EDEM3: variants seen among roughly 807,000 people sequenced by gnomAD.
EDEM3 encodes ER degradation enhancing alpha-mannosidase like protein 3.
EDEM3 carries 60 observed loss-of-function variants against 110.2 expected under a neutral mutation model. The observed-to-expected ratio is 0.54, with a 90% CI of 0.44 to 0.67. EDEM3 has a LOEUF of 0.67. Ranked by LOEUF, EDEM3 falls within the 30% of genes least tolerant of loss-of-function variation. The pLI is 0.00. For synonymous variants in EDEM3, 352 were observed against 382.9 expected (o/e 0.92, Z 0.94); for missense variants, 996 against 1,121.0 (o/e 0.89, Z 1.59).
chr1:184,706,906 A>G, intron 17 of EDEM3, 98 bp from the exon 18 acceptor site: 1 of 1,248,314 alleles, frequency 8.0e-7, no homozygotes, highest in Non-Finnish European at 1.1e-6. Flanking sequence ...ACTAGAACTC[A>G]TTTCTTTTCT....
chr1:184,705,587 C>T (rs1649869666), intron 18 of EDEM3, among the ~76,000 whole-genome samples: 1 of 152,132 alleles, frequency 6.6e-6, no homozygotes, highest in African/African-American at 2.4e-5. Flanking sequence ...CAGGACTTCT[C>T]CTAATGTTTA....
At chr1:184,738,920 T>C (rs72737772) in intron 2 of EDEM3, among the ~76,000 whole-genome samples, 4,131 of 152,222 alleles carry the variant, frequency 0.027, 119 homozygotes, top group Admixed American at 0.074. Context: ...CTTTCAAGCA[T>C]GCTTAAAAGG....
intron 2 of EDEM3, among the ~76,000 whole-genome samples, chr1:184,745,454 T>C (rs192914251): frequency 3.9e-5 from 6 of 152,246 alleles, no homozygotes; most frequent in East Asian, 3.9e-4. Context: ...GAGTTTCAGA[T>C]TGGGAAGATG....
At chr1:184,736,552 G>A (rs1651833657) in intron 4 of EDEM3, among the ~76,000 whole-genome samples, 1 of 152,062 alleles carries the variant, frequency 6.6e-6, no homozygotes, top group Admixed American at 6.6e-5. Context: ...ATAAATTTCT[G>A]TACTATATGA....
chr1:184,742,822 C>T (rs1652218097), intron 2 of EDEM3, among the ~76,000 whole-genome samples: 1 of 152,172 alleles, frequency 6.6e-6, no homozygotes, highest in South Asian at 2.1e-4. Context: ...CACATATAAA[C>T]AACACTTAGA....
At chr1:184,732,800 A>T in intron 6 of EDEM3, 37 bp downstream of exon 6, 2 of 1,577,112 alleles carry the variant, frequency 1.3e-6, no homozygotes, top group Non-Finnish European at 1.7e-6. Flanking sequence ...ACAGCAAAGA[A>T]AGTATATAAA....
chr1:184,719,104 G>A (rs931317208), intron 11 of EDEM3, 58 bp downstream of exon 11: 5 of 447,386 alleles, frequency 1.1e-5, no homozygotes, highest in East Asian at 6.0e-5. Context: ...ATATGTGTAC[G>A]TGTGTGTGTG....
intron 9 of EDEM3, among the ~76,000 whole-genome samples, chr1:184,720,273 T>G (rs188835273): frequency 4.1e-4 from 62 of 152,258 alleles, no homozygotes; most frequent in Middle Eastern, 6.8e-3. Context: ...TTACTAATTT[T>G]TTTTTTGCAA....
chr1:184,699,220 G>A (rs1475712842), intron 19 of EDEM3, among the ~76,000 whole-genome samples: 1 of 151,854 alleles, frequency 6.6e-6, no homozygotes, highest in Non-Finnish European at 1.5e-5. Flanking sequence ...TACATTAAAT[G>A]TTTACTGAAA....
At chr1:184,749,954 CG>C (rs981196243) in intron 1 of EDEM3, among the ~76,000 whole-genome samples, 6 of 152,042 alleles carry the variant, frequency 3.9e-5, no homozygotes, top group Non-Finnish European at 7.4e-5. Context: ...TGTCTTGAAG[CG>C]GGGGTTTTGC....
Position 184,710,595 on chromosome 1 carries a change from T to C in EDEM3, c.1692-48A>G, listed in dbSNP as rs189376923. 384 of 1,528,410 alleles carry C rather than the reference T, an allele frequency of 2.5e-4. 4 individuals carry two copies. The Admixed American group carries it at 8.0e-3, about 32-fold the overall frequency. 94.7% of individuals were successfully genotyped at this position (1,528,410 alleles called of 1,614,324 possible). On this transcript the variant is annotated intron_variant, in intron 15 of 19. Transcript: ENST00000318130. ...AGGCTTAAAAAACTATAAATTAGAA[T>C]TGGCAAAAAACACATGTCAAATAAA...
At chr1:184,753,955 A>G (rs1454020438) in intron 1 of EDEM3, among the ~76,000 whole-genome samples, 1 of 152,200 alleles carries the variant, frequency 6.6e-6, no homozygotes, top group Non-Finnish European at 1.5e-5. Context: ...TTTCCCCCCA[A>G]ACATTCTATT....
rs1649071934 is a variant in EDEM3 at position 184,691,699 on chromosome 1, G to A, written c.*2364C>T. 1 of 151,396 alleles carries A rather than the reference G, an allele frequency of 6.6e-6. No homozygotes were observed. Among genetic ancestry groups the A allele is most frequent in the Non-Finnish European group, 1.5e-5 (1 of 67,882 alleles). 9.4% of individuals were successfully genotyped at this position (151,396 alleles called of 1,614,324 possible). A position where few individuals can be genotyped will look rare whatever the true frequency, so the allele number is the denominator to read the frequency against. The stretch of plus-strand genomic sequence containing the variant: ...TACTTTGTGGCAGTATGTCAAGTAA[G>A]TAAATGAATGTAGAGTTGTAATTAC... On this transcript the variant is annotated 3_prime_UTR_variant, in exon 20 of 20. Transcript: ENST00000318130.
intron 2 of EDEM3, among the ~76,000 whole-genome samples, chr1:184,749,252 TCATGTATATATC>T (rs1369683217): frequency 6.6e-6 from 1 of 152,154 alleles, no homozygotes; most frequent in African/African-American, 2.4e-5. Context: ...GATAACATCT[TCATGTATATATC>T]CACAATATCT....
intron 6 of EDEM3, among the ~76,000 whole-genome samples, chr1:184,732,506 C>G (rs1157180143): frequency 6.6e-6 from 1 of 152,086 alleles, no homozygotes; most frequent in Non-Finnish European, 1.5e-5. Flanking sequence ...GATAAATGCT[C>G]GAGGTAATGG....
chr1:184,709,015 T>C (rs1304423325), intron 16 of EDEM3, among the ~76,000 whole-genome samples: 3 of 152,036 alleles, frequency 2.0e-5, no homozygotes, highest in African/African-American at 7.2e-5. Flanking sequence ...TCCTGATACT[T>C]TACAGGAAAA....
At chr1:184,732,080 G>A (rs1651554631) in intron 6 of EDEM3, among the ~76,000 whole-genome samples, 1 of 152,110 alleles carries the variant, frequency 6.6e-6, no homozygotes, top group Non-Finnish European at 1.5e-5. Context: ...GGAGGCTGAG[G>A]CAGGAGAATG....
At chr1:184,723,002 T>C (rs531908942) in intron 8 of EDEM3, among the ~76,000 whole-genome samples, 4 of 152,110 alleles carry the variant, frequency 2.6e-5, no homozygotes, top group African/African-American at 9.6e-5. Flanking sequence ...AATAATTTTC[T>C]TAGCTTTTTT....
rs1474314182 is a variant in EDEM3, at chr1:184,691,689, T to C, written c.*2374A>G. 6.6e-6 allele frequency: 1 copy of C among 152,118 alleles called. No individual in the cohort carries two copies. Among genetic ancestry groups the C allele is most frequent in the African/African-American group, 2.4e-5 (1 of 41,358 alleles). The allele number at this position is 152,118 out of a possible 1,614,324, so 9.4% of individuals were successfully genotyped here. A position where few individuals can be genotyped will look rare whatever the true frequency, so the allele number is the denominator to read the frequency against. On this transcript the variant is annotated 3_prime_UTR_variant, in exon 20 of 20. Coordinates refer to ENST00000318130, the MANE Select transcript of EDEM3 (RefSeq NM_025191.4). Reference sequence around the variant, plus strand: ...ACTCAAAAACTACTTTGTGGCAGTATGTCAAGTAAGTAAATGAATGTAGAG... The same window carrying C: ...ACTCAAAAACTACTTTGTGGCAGTACGTCAAGTAAGTAAATGAATGTAGAG...
Sources: gnomAD v4.1 joint callset for allele counts (sites outside exome capture counted in the v4.1 genomes callset) on GRCh38, gnomAD v4.1.1 for gene constraint, MANE v1.5 for transcripts, NCBI Gene and HGNC (gene_info 2026-07-23, HGNC 2026-07-21) for gene names.